MYO1D: variants seen among roughly 807,000 people sequenced by gnomAD.
The protein encoded by MYO1D is unconventional myosin-Id.
A neutral mutation model predicts 122.0 loss-of-function variants in MYO1D; 83 were observed. The ratio of observed to expected loss-of-function variants is 0.68; its 90% CI spans 0.57 to 0.82. The LOEUF (loss-of-function observed/expected upper bound fraction) is 0.82, where lower values mean the gene tolerates loss of function less well. Ranked by LOEUF, MYO1D falls within the 40% of genes least tolerant of loss-of-function variation. MYO1D has a pLI of 0.00. For missense variants in MYO1D, 1,157 were observed against 1,269.5 expected (o/e 0.91, Z 1.35); for synonymous variants, 464 against 446.9 (o/e 1.04, Z -0.48).
chr17:32,840,038 T>C (rs1260432992), intron 1 of MYO1D, among the ~76,000 whole-genome samples: 2 of 152,208 alleles, frequency 1.3e-5, no homozygotes, highest in African/African-American at 4.8e-5. Flanking sequence ...TCCATCTTTT[T>C]ATGTGGGCAG....
At chr17:32,715,478 T>C (rs932638296) in intron 15 of MYO1D, among the ~76,000 whole-genome samples, 7 of 152,154 alleles carry the variant, frequency 4.6e-5, no homozygotes, top group African/African-American at 1.7e-4. Flanking sequence ...GCTCTCCTTC[T>C]GCCTCCCTGG....
In MYO1D at chr17:32,718,468, C is replaced by T. The variant is rs569082949; in HGVS notation, c.1913+2555G>A. On this transcript the variant is annotated intron_variant, in intron 15 of 21. Coordinates refer to ENST00000318217, the MANE Select transcript of MYO1D (RefSeq NM_015194.3). ...ATCCCAGCACTTTGGGAGGCTGAGG[C>T]GGGTGGATCACCTGGGGTCAGGAGG... Among the ~76,000 whole-genome samples the T allele has an allele frequency of 5.3e-5, 8 of 152,054 alleles. No individual in the cohort carries two copies. In the East Asian group the frequency reaches 9.7e-4, roughly 18 times the overall value.
chr17:32,500,466 T>C (rs1567867728), intron 21 of MYO1D, among the ~76,000 whole-genome samples: 1 of 152,138 alleles, frequency 6.6e-6, no homozygotes, highest in African/African-American at 2.4e-5. Flanking sequence ...TAAGTGACAG[T>C]TGCCTGGGTT....
chr17:32,851,898 C>A (rs531833716), intron 1 of MYO1D, among the ~76,000 whole-genome samples: 1 of 152,326 alleles, frequency 6.6e-6, no homozygotes, highest in African/African-American at 2.4e-5. Flanking sequence ...CGGTTCCTAA[C>A]AGACCACCGT....
chr17:32,620,676 G>A (rs928437360), intron 20 of MYO1D, among the ~76,000 whole-genome samples: 1 of 152,156 alleles, frequency 6.6e-6, no homozygotes, highest in South Asian at 2.1e-4. Flanking sequence ...TATTCAGTGA[G>A]ACAGGTAGGG....
At chr17:32,688,736 G>T (rs547607882) in intron 16 of MYO1D, among the ~76,000 whole-genome samples, 4 of 152,262 alleles carry the variant, frequency 2.6e-5, no homozygotes, top group Admixed American at 6.5e-5. Flanking sequence ...AAGGGTTTTT[G>T]AACGGAGACA....
intron 16 of MYO1D, among the ~76,000 whole-genome samples, chr17:32,690,957 C>A (rs952368035): frequency 1.3e-5 from 2 of 152,116 alleles, no homozygotes; most frequent in African/African-American, 4.8e-5. Flanking sequence ...TAAGTACAGT[C>A]GCTCTAGTGG....
At chr17:32,827,425 C>A (rs1488808764) in intron 1 of MYO1D, among the ~76,000 whole-genome samples, 1 of 151,968 alleles carries the variant, frequency 6.6e-6, no homozygotes, top group Non-Finnish European at 1.5e-5. Context: ...AGTTATGGTC[C>A]AATGGGTAGA....
At chr17:32,715,351 T>A (rs565288428) in intron 15 of MYO1D, among the ~76,000 whole-genome samples, 1 of 152,308 alleles carries the variant, frequency 6.6e-6, no homozygotes, top group African/African-American at 2.4e-5. Context: ...ACAGGGCTTT[T>A]CATATTTCTT....
At chr17:32,637,993 C>G (rs538982944) in intron 20 of MYO1D, among the ~76,000 whole-genome samples, 6 of 152,254 alleles carry the variant, frequency 3.9e-5, no homozygotes, top group African/African-American at 1.4e-4. Context: ...CTCATAGTTC[C>G]CAGTATTAGA....
chr17:32,609,917 A>AAT (rs2087677942), intron 20 of MYO1D, among the ~76,000 whole-genome samples: 1 of 152,220 alleles, frequency 6.6e-6, no homozygotes, highest in South Asian at 2.1e-4. Context: ...ATATGATTAA[A>AAT]TTAAAAATAT....
At chr17:32,619,687 T>C (rs1267979033) in intron 20 of MYO1D, among the ~76,000 whole-genome samples, 1 of 152,240 alleles carries the variant, frequency 6.6e-6, no homozygotes, top group African/African-American at 2.4e-5. Flanking sequence ...TTTACAAAGC[T>C]AATTGTTTTA....
intron 16 of MYO1D, among the ~76,000 whole-genome samples, chr17:32,680,907 T>C (rs938289716): frequency 3.9e-5 from 6 of 152,166 alleles, no homozygotes; most frequent in Non-Finnish European, 8.8e-5. Context: ...GGTAAACTAT[T>C]GATTATTGCC....
intron 1 of MYO1D, among the ~76,000 whole-genome samples, chr17:32,832,985 C>T (rs548892952): frequency 6.6e-6 from 1 of 152,322 alleles, no homozygotes; most frequent in South Asian, 2.1e-4. Context: ...TCCCCCGAGT[C>T]TCGGGTGCTC....
chr17:32,793,933 CA>C (rs2090386123), intron 1 of MYO1D, among the ~76,000 whole-genome samples: 1 of 152,184 alleles, frequency 6.6e-6, no homozygotes, highest in Non-Finnish European at 1.5e-5. Flanking sequence ...GGTAACAGCA[CA>C]ATAATACCAA....
At chr17:32,597,845 G>C (rs984304046) in intron 21 of MYO1D, among the ~76,000 whole-genome samples, 1 of 146,402 alleles carries the variant, frequency 6.8e-6, no homozygotes, top group Non-Finnish European at 1.5e-5. Context: ...CTCCAGCCTG[G>C]GTGACAGAGC....
At chr17:32,542,987 A>G (rs6505301) in intron 21 of MYO1D, among the ~76,000 whole-genome samples, 94,885 of 151,836 alleles carry the variant, frequency 0.62, 31,030 homozygotes, top group African/African-American at 0.78. Flanking sequence ...GGCACTTTGG[A>G]AGGCCGAGGC....
chr17:32,604,743 T>C (rs2087605659), intron 21 of MYO1D, among the ~76,000 whole-genome samples: 1 of 152,230 alleles, frequency 6.6e-6, no homozygotes, highest in African/African-American at 2.4e-5. Context: ...CACAAACTGA[T>C]TATACTTGGG....
chr17:32,795,413 AT>A (rs771532183), intron 1 of MYO1D, among the ~76,000 whole-genome samples: 6,021 of 144,356 alleles, frequency 0.042, 353 homozygotes, highest in African/African-American at 0.13. Flanking sequence ...TTCTATTTAA[AT>A]TTTTTTTTTT....
Sources: gnomAD v4.1 joint callset for allele counts (sites outside exome capture counted in the v4.1 genomes callset) on GRCh38, gnomAD v4.1.1 for gene constraint, MANE v1.5 for transcripts, NCBI Gene and HGNC (gene_info 2026-07-23, HGNC 2026-07-21) for gene names.